CPEB3: variants seen among roughly 807,000 people sequenced by gnomAD.
CPEB3 encodes the protein cytoplasmic polyadenylation element binding protein 3.
Under a neutral mutation model 67.2 loss-of-function variants are expected in CPEB3, and 20 were observed. The ratio of observed to expected loss-of-function variants is 0.30; its 90% CI spans 0.21 to 0.43. CPEB3 has a LOEUF of 0.43. CPEB3 is among the 20% of genes least tolerant of loss of function. CPEB3 has a pLI of 1.00. For missense variants in CPEB3, 746 were observed against 968.6 expected, an observed-to-expected ratio of 0.77 and a Z score of 3.05; for synonymous variants, 376 against 393.1, an observed-to-expected ratio of 0.96 and a Z score of 0.51.
chr10:92,141,640 A>T (rs947665351), intron 6 of CPEB3, among the ~76,000 whole-genome samples: 31 of 151,168 alleles, frequency 2.1e-4, no homozygotes, highest in African/African-American at 4.9e-4. Context: ...ATAATAATAA[A>T]AAATAATAAT....
intron 1 of CPEB3, among the ~76,000 whole-genome samples, chr10:92,250,215 G>A (rs1024119702): frequency 2.0e-5 from 3 of 151,368 alleles, no homozygotes; most frequent in African/African-American, 7.3e-5. Flanking sequence ...AGCCTCCCGA[G>A]TAGCTGGGAC....
At chr10:92,134,102 G>A (rs1845974562) in intron 6 of CPEB3, among the ~76,000 whole-genome samples, 1 of 152,086 alleles carries the variant, frequency 6.6e-6, no homozygotes, top group Admixed American at 6.6e-5. Context: ...TTTGAAAACT[G>A]GCACAAGACA....
At chr10:92,129,849 C>G (rs563696191) in intron 6 of CPEB3, among the ~76,000 whole-genome samples, 66 of 152,056 alleles carry the variant, frequency 4.3e-4, no homozygotes, top group East Asian at 9.7e-4. Flanking sequence ...TGAGAACAGC[C>G]CAGGCAACAG....
At chr10:92,066,227 C>A (rs1842542853) in intron 9 of CPEB3, among the ~76,000 whole-genome samples, 1 of 152,032 alleles carries the variant, frequency 6.6e-6, no homozygotes, top group African/African-American at 2.4e-5. Context: ...AGGAAAAGAG[C>A]AGCACTAAAA....
chr10:92,218,692 C>G (rs1424269087), intron 2 of CPEB3, among the ~76,000 whole-genome samples: 1 of 152,176 alleles, frequency 6.6e-6, no homozygotes, highest in Admixed American at 6.6e-5. Context: ...AAACAAAGAC[C>G]TTTTGTGAAA....
intron 3 of CPEB3, among the ~76,000 whole-genome samples, chr10:92,187,894 G>A (rs191384112): frequency 2.0e-5 from 3 of 152,054 alleles, no homozygotes; most frequent in Non-Finnish European, 4.4e-5. Context: ...TCTGTACTTC[G>A]AAAAAGAAAT....
intron 7 of CPEB3, among the ~76,000 whole-genome samples, chr10:92,103,241 A>G (rs76362362): frequency 0.01 from 1,587 of 152,314 alleles, 19 homozygotes; most frequent in African/African-American, 0.037. Context: ...AATGATCAGA[A>G]TTATCTAGTG....
At chr10:92,260,880 AT>A (rs1193483241) in intron 1 of CPEB3, among the ~76,000 whole-genome samples, 3 of 152,194 alleles carry the variant, frequency 2.0e-5, no homozygotes, top group Non-Finnish European at 2.9e-5. Context: ...AAGTGCTGGG[AT>A]TACAGGCGTG....
chr10:92,258,625 A>AACTAAT (rs1554936345), intron 1 of CPEB3, among the ~76,000 whole-genome samples: 99 of 32,738 alleles, frequency 3.0e-3, no homozygotes, highest in African/African-American at 7.3e-3. Context: ...ATATTTTTTG[A>AACTAAT]ATATATATAT....
At chr10:92,271,928 C>T (rs576564673) in intron 1 of CPEB3, among the ~76,000 whole-genome samples, 2 of 152,242 alleles carry the variant, frequency 1.3e-5, no homozygotes, top group Admixed American at 6.5e-5. Flanking sequence ...TGGAATGCTA[C>T]TATAAGGAAG....
chr10:92,119,234 T>G, intron 6 of CPEB3: 4 of 1,580,172 alleles, frequency 2.5e-6, no homozygotes, highest in Non-Finnish European at 3.5e-6. Flanking sequence ...TTGTCACTCT[T>G]ATCTCCAGCC....
At chr10:92,253,845 G>A (rs1349859933) in intron 1 of CPEB3, among the ~76,000 whole-genome samples, 1 of 152,160 alleles carries the variant, frequency 6.6e-6, no homozygotes, top group African/African-American at 2.4e-5. Flanking sequence ...TTAGGTCTGT[G>A]TCATTTAAGC....
At chr10:92,085,610 T>C (rs1254792835) in intron 8 of CPEB3, among the ~76,000 whole-genome samples, 3 of 152,198 alleles carry the variant, frequency 2.0e-5, no homozygotes, top group Admixed American at 1.3e-4. Flanking sequence ...TTTTTTCTTT[T>C]TTCTTTTTCT....
intron 8 of CPEB3, among the ~76,000 whole-genome samples, chr10:92,088,918 A>G (rs1013769824): frequency 1.3e-5 from 2 of 152,260 alleles, no homozygotes; most frequent in South Asian, 4.1e-4. Flanking sequence ...ATCATGTTAA[A>G]GAATATAATC....
At chr10:92,186,563 T>C (rs751406892) in intron 3 of CPEB3, among the ~76,000 whole-genome samples, 1 of 151,620 alleles carries the variant, frequency 6.6e-6, no homozygotes, top group Non-Finnish European at 1.5e-5. Flanking sequence ...GCCTCCTGAG[T>C]AGCTGGGACT....
At position 92,144,997 on chromosome 10, in the gene CPEB3, T is replaced by C. The variant is rs760058199; in HGVS notation, c.1311A>G (p.Glu437=). 4 of 1,614,112 alleles carry C rather than the reference T, an allele frequency of 2.5e-6. No individual in the cohort carries two copies. The highest frequency in any genetic ancestry group is 3.4e-6 in the Non-Finnish European group (4 of 1,179,984). The part of the protein sequence containing the change: ...PTRCQNGERV[E]RYSRKVFVGG... ...CAACAAACACCTTTCTAGAGTAGCG[T>C]TCTACTCGTTCCCCATTTTGACAGC... Residue 437 remains glutamate, a synonymous_variant, in exon 5 of 10, where the codon GAA becomes GAG. Coordinates refer to ENST00000265997, the MANE Select transcript of CPEB3 (RefSeq NM_014912.5).
chr10:92,245,416 A>G (rs1852018295), intron 1 of CPEB3, among the ~76,000 whole-genome samples: 1 of 152,118 alleles, frequency 6.6e-6, no homozygotes, highest in Non-Finnish European at 1.5e-5. Flanking sequence ...GATTACAGAC[A>G]TGAGCCACCG....
chr10:92,220,610 A>G (rs1207400086), intron 2 of CPEB3, among the ~76,000 whole-genome samples: 2 of 152,016 alleles, frequency 1.3e-5, no homozygotes, highest in African/African-American at 4.8e-5. Context: ...TTCCAAAACA[A>G]GTAAACAAGA....
At chr10:92,186,225 C>CAAAA (rs374713049) in intron 3 of CPEB3, among the ~76,000 whole-genome samples, 1 of 113,800 alleles carries the variant, frequency 8.8e-6, no homozygotes, top group Non-Finnish European at 1.8e-5. Context: ...AAAAAAAATA[C>CAAAA]AAAAAAAAAA....
Sources: gnomAD v4.1 joint callset for allele counts (sites outside exome capture counted in the v4.1 genomes callset) on GRCh38, gnomAD v4.1.1 for gene constraint, MANE v1.5 for transcripts, NCBI Gene and HGNC (gene_info 2026-07-23, HGNC 2026-07-21) for gene names.